FAM117B: variants seen among roughly 807,000 people sequenced by gnomAD.
FAM117B encodes the protein protein FAM117B.
In FAM117B, 22 loss-of-function variants were observed where a neutral mutation model predicts 52.8. That is an observed-to-expected ratio of 0.42 (90% CI 0.30 to 0.59). The LOEUF (loss-of-function observed/expected upper bound fraction) is 0.59. Among genes scored for constraint, FAM117B ranks in the 20% least tolerant of loss-of-function variants. FAM117B has a pLI of 0.22. For missense variants in FAM117B, 678 were observed against 802.6 expected, an observed-to-expected ratio of 0.84 and a Z score of 1.88; for synonymous variants, 309 against 324.1, an observed-to-expected ratio of 0.95 and a Z score of 0.50.
In FAM117B at chr2:202,766,061, AACACACAC is replaced by A. The variant is rs34556556; in HGVS notation, c.*336_*343del. 7,098 of 203,040 alleles carry A rather than the reference AACACACAC, an allele frequency of 0.035. 405 individuals are homozygous for A. The highest frequency in any genetic ancestry group is 0.14 in the African/African-American group (5,612 of 39,808). The allele number at this position is 203,040 out of a possible 1,614,324, so 12.6% of individuals were successfully genotyped here. A position where few individuals can be genotyped will look rare whatever the true frequency, so the allele number is the denominator to read the frequency against. On this transcript the variant is annotated 3_prime_UTR_variant, in exon 8 of 8. Transcript: ENST00000392238. ...TTGTTTTCGAATTAGACTTCTTTAA[AACACACAC>A]ACACACACACACACACACACACACA...
At chr2:202,664,983 A>C (rs955388900) in intron 1 of FAM117B, among the ~76,000 whole-genome samples, 8 of 152,118 alleles carry the variant, frequency 5.3e-5, no homozygotes, top group African/African-American at 1.9e-4. Flanking sequence ...TATCAAGATC[A>C]AGCTGGGTTT....
intron 4 of FAM117B, among the ~76,000 whole-genome samples, chr2:202,731,564 G>A (rs1380081883): frequency 6.6e-6 from 1 of 151,192 alleles, no homozygotes; most frequent in African/African-American, 2.4e-5. Flanking sequence ...CTGAGTAGCT[G>A]GGATTACAGG....
intron 1 of FAM117B, among the ~76,000 whole-genome samples, chr2:202,645,218 G>A (rs1332363392): frequency 2.0e-5 from 3 of 151,610 alleles, no homozygotes; most frequent in Non-Finnish European, 2.9e-5. Context: ...CTTAAGTGAT[G>A]CTTTTGCCTT....
At chr2:202,754,245 A>G (rs1691766446) in intron 4 of FAM117B, among the ~76,000 whole-genome samples, 1 of 152,216 alleles carries the variant, frequency 6.6e-6, no homozygotes, top group Non-Finnish European at 1.5e-5. Context: ...TGAAGCTGGA[A>G]GCCATCATCC....
At chr2:202,654,199 A>G (rs538307569) in intron 1 of FAM117B, among the ~76,000 whole-genome samples, 14 of 151,154 alleles carry the variant, frequency 9.3e-5, no homozygotes, top group South Asian at 8.4e-4. Flanking sequence ...AAATTTTTTT[A>G]TTTATAATAT....
rs989745143 is a variant in FAM117B at position 202,635,047 on chromosome 2, C to G, written c.-141C>G. 2 of 1,142,262 alleles carry G rather than the reference C, an allele frequency of 1.8e-6. No homozygotes were observed. The highest frequency in any genetic ancestry group is 1.6e-5 in the African/African-American group (1 of 61,798). The allele number at this position is 1,142,262 out of a possible 1,614,324, so 70.8% of individuals were successfully genotyped here. A position where few individuals can be genotyped will look rare whatever the true frequency, so the allele number is the denominator to read the frequency against. On this transcript the variant is annotated 5_prime_UTR_variant, in exon 1 of 8. Coordinates refer to ENST00000392238, the MANE Select transcript of FAM117B (RefSeq NM_173511.4). ...CCACCTCGTTGCTGCCTGCCCCGGC[C>G]CGGTCTCCCCCTGCACCCCGGAGTC... is the stretch of plus-strand genomic sequence containing the variant.
At chr2:202,673,433 GTTTTTTTTTTTTTTTTTT>G (rs1158185300) in intron 1 of FAM117B, among the ~76,000 whole-genome samples, 12 of 37,534 alleles carry the variant, frequency 3.2e-4, no homozygotes, top group African/African-American at 9.3e-4. Flanking sequence ...TTCTTTTTCT[GTTTTTTTTTTTTTTTTTT>G]TTTTTTTTTT....
intron 4 of FAM117B, among the ~76,000 whole-genome samples, chr2:202,732,046 C>CTT (rs758181285): frequency 0.016 from 2,136 of 134,984 alleles, 63 homozygotes; most frequent in African/African-American, 0.054. Context: ...ATTTATTTTT[C>CTT]TTTTTTTTTT....
At chr2:202,721,611 T>G (rs1027559409) in intron 2 of FAM117B, among the ~76,000 whole-genome samples, 3 of 152,172 alleles carry the variant, frequency 2.0e-5, no homozygotes, top group African/African-American at 7.2e-5. Flanking sequence ...TTTAATTACC[T>G]TATAATTTTA....
chr2:202,691,699 G>A (rs1000840608), intron 1 of FAM117B, among the ~76,000 whole-genome samples: 1 of 112,666 alleles, frequency 8.9e-6, no homozygotes, highest in East Asian at 2.2e-4. Flanking sequence ...GTGTGTGTGT[G>A]CGCGCGCGCC....
At chr2:202,657,528 C>A (rs1362249203) in intron 1 of FAM117B, among the ~76,000 whole-genome samples, 1 of 152,004 alleles carries the variant, frequency 6.6e-6, no homozygotes, top group African/African-American at 2.4e-5. Flanking sequence ...GCTCTGTTGC[C>A]CATGCTGGAA....
At position 202,726,653 on chromosome 2, in the gene FAM117B, A is replaced by C. The variant is rs537485385; in HGVS notation, c.960+290A>C. Among the ~76,000 whole-genome samples, 3 of 152,260 alleles carry C rather than the reference A, an allele frequency of 2.0e-5. No individual in the cohort carries two copies. In the South Asian group the frequency reaches 6.2e-4, roughly 32 times the overall value. On this transcript the variant is annotated intron_variant, in intron 4 of 7. Coordinates refer to ENST00000392238, the MANE Select transcript of FAM117B (RefSeq NM_173511.4). ...ATATTTTGGAGGCAGAATGACACAG[A>C]GAATTAAGCATTGGGTATGGAACAG...
chr2:202,731,332 AATATATATATATATATATATATAT>A (rs35255766), intron 4 of FAM117B, among the ~76,000 whole-genome samples: 14 of 30,740 alleles, frequency 4.6e-4, no homozygotes, highest in Non-Finnish European at 1.2e-3. Flanking sequence ...GAGAAATTGG[AATATATATATATATATATATATAT>A]ATATATATAT....
chr2:202,687,844 A>G (rs1690568510), intron 1 of FAM117B, among the ~76,000 whole-genome samples: 1 of 152,200 alleles, frequency 6.6e-6, no homozygotes, highest in South Asian at 2.1e-4. Context: ...GGTTAAATCA[A>G]TCATTTTCTT....
intron 7 of FAM117B, among the ~76,000 whole-genome samples, chr2:202,760,864 C>G (rs1234349383): frequency 6.6e-6 from 1 of 152,140 alleles, no homozygotes; most frequent in Non-Finnish European, 1.5e-5. Context: ...AGGTTAAAAT[C>G]TGTTAGCCCA....
intron 1 of FAM117B, among the ~76,000 whole-genome samples, chr2:202,670,271 T>C (rs1338365988): frequency 1.3e-5 from 2 of 151,858 alleles, no homozygotes; most frequent in African/African-American, 4.8e-5. Flanking sequence ...GAGCATACTT[T>C]CTTTTTTCTT....
chr2:202,656,281 T>G (rs1203918517), intron 1 of FAM117B, among the ~76,000 whole-genome samples: 1 of 152,214 alleles, frequency 6.6e-6, no homozygotes, highest in Non-Finnish European at 1.5e-5. Flanking sequence ...GCTCATTTTC[T>G]GGTTTCTCAG....
At chr2:202,649,409 A>G (rs1378554249) in intron 1 of FAM117B, among the ~76,000 whole-genome samples, 3 of 152,164 alleles carry the variant, frequency 2.0e-5, no homozygotes, top group African/African-American at 4.8e-5. Context: ...TGTGTTGTCT[A>G]ATATTTCATA....
At position 202,755,699 on chromosome 2, in the gene FAM117B, T is replaced by G; in HGVS notation, c.1104+18T>G. 1 of 1,603,290 alleles carries G rather than the reference T, an allele frequency of 6.2e-7. No individual in the cohort carries two copies. Among genetic ancestry groups the G allele is most frequent in the Non-Finnish European group, 8.5e-7 (1 of 1,174,066 alleles). On this transcript the variant is annotated intron_variant, in intron 5 of 7. Transcript: ENST00000392238. Reference sequence around the variant, plus strand: ...AACTTATAGTAAGTGATCTTGTATCTTAAAATCATTCTTGAACTCTTATAA... The same window carrying G: ...AACTTATAGTAAGTGATCTTGTATCGTAAAATCATTCTTGAACTCTTATAA...
Sources: gnomAD v4.1 joint callset for allele counts (sites outside exome capture counted in the v4.1 genomes callset) on GRCh38, gnomAD v4.1.1 for gene constraint, MANE v1.5 for transcripts, NCBI Gene and HGNC (gene_info 2026-07-23, HGNC 2026-07-21) for gene names.